Variants in TRIM56 observed in about 807,000 individuals in gnomAD.
TRIM56 encodes the protein E3 ubiquitin-protein ligase TRIM56.
TRIM56 carries 10 observed loss-of-function variants against 17.1 expected under a neutral mutation model. The observed-to-expected ratio is 0.58, with a 90% confidence interval of 0.36 to 0.99. The LOEUF (loss-of-function observed/expected upper bound fraction) is 0.99. TRIM56 is among the 50% of genes least tolerant of loss of function. The pLI, the probability that TRIM56 is intolerant of heterozygous loss-of-function variation, is 0.01. For missense variants in TRIM56, 923 were observed against 1,052.3 expected (o/e 0.88, Z 1.70); for synonymous variants, 503 against 473.5 (o/e 1.06, Z -0.81).
Position 101,089,635 on chromosome 7 carries a change from A to C in TRIM56, c.*55A>C, listed in dbSNP as rs1379545718. ...GGGAGGGAGAGGGCAGGAAGGAGGCAGAGCTGTCCGTGGGAGGTGGAGGCC... is the reference window on the plus strand; with the variant it reads ...GGGAGGGAGAGGGCAGGAAGGAGGCCGAGCTGTCCGTGGGAGGTGGAGGCC... On this transcript the variant is annotated 3_prime_UTR_variant, in exon 3 of 3. Transcript: ENST00000306085. 27 of 1,518,998 alleles carry C rather than the reference A, an allele frequency of 1.8e-5. No homozygotes were observed. The highest frequency in any genetic ancestry group is 2.2e-5 in the Non-Finnish European group (25 of 1,120,834). The allele number at this position is 1,518,998 out of a possible 1,614,324, so 94.1% of individuals were successfully genotyped here. A position where few individuals can be genotyped will look rare whatever the true frequency, so the allele number is the denominator to read the frequency against.
Position 101,093,027 on chromosome 7 carries a change from A to T in TRIM56, c.*3447A>T, listed in dbSNP as rs28378079. 0.15 allele frequency: 27,442 copies of T among 183,270 alleles called. 3,554 individuals carry two copies. Among genetic ancestry groups the T allele is most frequent in the African/African-American group, 0.38 (15,900 of 41,820 alleles). 11.4% of individuals were successfully genotyped at this position (183,270 alleles called of 1,614,324 possible). On this transcript the variant is annotated 3_prime_UTR_variant, in exon 3 of 3. Coordinates refer to ENST00000306085, the MANE Select transcript of TRIM56 (RefSeq NM_030961.3). ...TCTGCCTTGGGATGCTGTTAATCTA[A>T]GACCTTACCCCCAACCCCGTGCTCT... is the stretch of plus-strand genomic sequence containing the variant.
chr7:101,087,813 C>T lies in TRIM56; in HGVS notation c.501C>T (p.Ala167=). Residue 167 remains alanine (A), a synonymous_variant, in exon 3 of 3, where the codon GCC becomes GCT. Coordinates refer to ENST00000306085, the MANE Select transcript of TRIM56 (RefSeq NM_030961.3). Reference sequence around the variant, plus strand: ...AGGAGGCCCGGGAGCGCCAAGCGGCCCAGTGTCCCCAGCACCCCGGGGAGG... The same window carrying T: ...AGGAGGCCCGGGAGCGCCAAGCGGCTCAGTGTCCCCAGCACCCCGGGGAGG... The part of the protein sequence containing the change: ...YDEEARERQA[A]QCPQHPGEAL... 1.2e-6 allele frequency: 2 copies of T among 1,605,314 alleles called. No homozygotes were observed. The highest frequency in any genetic ancestry group is 1.7e-6 in the Non-Finnish European group (2 of 1,177,624).
At position 101,089,605 on chromosome 7, in the gene TRIM56, G is replaced by GA; in HGVS notation, c.*26dup. On this transcript the variant is annotated 3_prime_UTR_variant, in exon 3 of 3. Transcript: ENST00000306085. ...AAGGGGCTAGGACTAGGGTGAGAGGGAGTGGGGAGGGAGAGGGCAGGAAGG... is the reference window on the plus strand; with the variant it reads ...AAGGGGCTAGGACTAGGGTGAGAGGGAAGTGGGGAGGGAGAGGGCAGGAAGG... The GA allele has an allele frequency of 6.3e-7, 1 of 1,587,604 alleles. No homozygotes were observed. Among genetic ancestry groups the GA allele is most frequent in the Non-Finnish European group, 8.6e-7 (1 of 1,162,284 alleles).
In TRIM56 at chr7:101,090,648, C is replaced by T. The variant is rs1193670098; in HGVS notation, c.*1068C>T. On this transcript the variant is annotated 3_prime_UTR_variant, in exon 3 of 3. Transcript: ENST00000306085. Reference sequence around the variant, plus strand: ...AAAAAAACAGAAACAACAGAAAAAGCAGGTTATCCATCACTTCTCAGCTAA... The same window carrying T: ...AAAAAAACAGAAACAACAGAAAAAGTAGGTTATCCATCACTTCTCAGCTAA... 1 of 137,922 alleles carries T rather than the reference C, an allele frequency of 7.3e-6. No individual in the cohort carries two copies. The highest frequency in any genetic ancestry group is 2.7e-5 in the African/African-American group (1 of 37,222). The allele number at this position is 137,922 out of a possible 1,614,324, so 8.5% of individuals were successfully genotyped here.
Position 101,088,937 on chromosome 7 carries a change from G to T in TRIM56, c.1625G>T (p.Gly542Val). 6.2e-7 allele frequency: 1 copy of T among 1,613,536 alleles called. No individual in the cohort carries two copies. The highest frequency in any genetic ancestry group is 8.5e-7 in the Non-Finnish European group (1 of 1,180,028). The change falls in exon 3 of 3, where the codon GGC becomes GTC. Residue 542 changes from glycine (G) to valine (V), a missense_variant. This residue lies in a region of TRIM56 where 643 missense variants were observed against 665.6 expected (regional missense o/e 0.97). Transcript: ENST00000306085. ...KRFSLNGDYK[G>V]TVPVPEGCSP... is the part of the protein sequence containing the mutation. ...TTCTCCCTCAACGGCGACTACAAGGGCACCGTGCCGGTCCCTGAGGGCTGC... is the reference window on the plus strand; with the variant it reads ...TTCTCCCTCAACGGCGACTACAAGGTCACCGTGCCGGTCCCTGAGGGCTGC...
intron 1 of TRIM56, among the ~76,000 whole-genome samples, chr7:101,086,178 G>A (rs2116524818): frequency 6.6e-6 from 1 of 152,324 alleles, no homozygotes; most frequent in South Asian, 2.1e-4. Flanking sequence ...GCCGAGACGG[G>A]AGGATAGCCT....
rs1466200903 is a variant in TRIM56 at position 101,094,508 on chromosome 7, A to G, written c.*4928A>G. ...CCTTTATAAGTAATACTCAATAACT[A>G]CTGGGTTTGAGAATGAAGGTGTCAG... On this transcript the variant is annotated 3_prime_UTR_variant, in exon 3 of 3. Coordinates refer to ENST00000306085, the MANE Select transcript of TRIM56 (RefSeq NM_030961.3). 1 of 152,164 alleles carries G rather than the reference A, an allele frequency of 6.6e-6. No homozygotes were observed. The highest frequency in any genetic ancestry group is 1.5e-5 in the Non-Finnish European group (1 of 68,038). The allele number at this position is 152,164 out of a possible 1,614,324, so 9.4% of individuals were successfully genotyped here. A position where few individuals can be genotyped will look rare whatever the true frequency, so the allele number is the denominator to read the frequency against.
At position 101,089,401 on chromosome 7, in the gene TRIM56, C is replaced by A. The variant is rs746322063; in HGVS notation, c.2089C>A (p.Arg697=). ...GAAGGGCTACATCTTTCTGACCCTT[C>A]GAGAAGTCAACAAGGTGGTGATCCT... ...DKKGYIFLTL[R]EVNKVVILDP... is the part of the protein sequence containing the mutation. Residue 697 remains arginine (R), a synonymous_variant, in exon 3 of 3, where the codon CGA becomes AGA. Transcript: ENST00000306085. 3 of 1,614,096 alleles carry A rather than the reference C, an allele frequency of 1.9e-6. No individual in the cohort carries two copies. In the East Asian group the frequency reaches 6.7e-5, roughly 36 times the overall value.
chr7:101,091,640 T>G lies in TRIM56; in HGVS notation c.*2060T>G, dbSNP rs1185121422. Reference sequence around the variant, plus strand: ...TACTTGGGAGGCTGAGGCAGGAGAATCATTTGAACCCAGGAGGTGGAAGTT... The same window carrying G: ...TACTTGGGAGGCTGAGGCAGGAGAAGCATTTGAACCCAGGAGGTGGAAGTT... On this transcript the variant is annotated 3_prime_UTR_variant, in exon 3 of 3. Coordinates refer to ENST00000306085, the MANE Select transcript of TRIM56 (RefSeq NM_030961.3). 2.4e-6 allele frequency: 1 copy of G among 410,896 alleles called. No homozygotes were observed. Among genetic ancestry groups the G allele is most frequent in the African/African-American group, 2.1e-5 (1 of 46,800 alleles). 25.5% of individuals were successfully genotyped at this position (410,896 alleles called of 1,614,324 possible).
rs946342770 is a variant in TRIM56, at chr7:101,094,316, G to A, written c.*4736G>A. On this transcript the variant is annotated 3_prime_UTR_variant, in exon 3 of 3. Coordinates refer to ENST00000306085, the MANE Select transcript of TRIM56 (RefSeq NM_030961.3). Reference sequence around the variant, plus strand: ...ATAATTACTGAGTAGAAATAGGTTCGGAATTTGTAAATAGTCATTAATTTG... The same window carrying A: ...ATAATTACTGAGTAGAAATAGGTTCAGAATTTGTAAATAGTCATTAATTTG... The A allele has an allele frequency of 3.3e-5, 5 of 151,216 alleles. No individual in the cohort carries two copies. Among genetic ancestry groups the A allele is most frequent in the African/African-American group, 9.7e-5 (4 of 41,140 alleles). 9.4% of individuals were successfully genotyped at this position (151,216 alleles called of 1,614,324 possible). A position where few individuals can be genotyped will look rare whatever the true frequency, so the allele number is the denominator to read the frequency against.
chr7:101,088,513 A>G lies in TRIM56; in HGVS notation c.1201A>G (p.Lys401Glu). 1.2e-6 allele frequency: 2 copies of G among 1,613,790 alleles called. No individual in the cohort carries two copies. Among genetic ancestry groups the G allele is most frequent in the Non-Finnish European group, 1.7e-6 (2 of 1,179,852 alleles). The change falls in exon 3 of 3, where the codon AAG becomes GAG. Residue 401 changes from lysine (K) to glutamate (E), a missense_variant. This residue lies in a region of TRIM56 where 643 missense variants were observed against 665.6 expected (regional missense o/e 0.97). Transcript: ENST00000306085. ...CCAGAGCCGGAGGGAGGATGAGCCG[A>G]AGACTGAGAGACAGGGTGGAGTCCA... ...ESQSRREDEP[K>E]TERQGGVQPQ...
rs747160674 is a variant in TRIM56 at position 101,089,490 on chromosome 7, G to T, written c.2178G>T (p.Arg726=). ...LTAYHGLEKP[R]VTTMVDGRYL... is the part of the protein sequence containing the mutation. ...CCTACCACGGCCTGGAAAAGCCCCGGGTTACCACCATGGTGGATGGCAGGT... is the reference window on the plus strand; with the variant it reads ...CCTACCACGGCCTGGAAAAGCCCCGTGTTACCACCATGGTGGATGGCAGGT... The change falls in exon 3 of 3, where the codon CGG becomes CGT. Residue 726 remains arginine, a synonymous_variant. Coordinates refer to ENST00000306085, the MANE Select transcript of TRIM56 (RefSeq NM_030961.3). The T allele has an allele frequency of 4.3e-6, 7 of 1,614,138 alleles. No individual in the cohort carries two copies. The highest frequency in any genetic ancestry group is 5.9e-6 in the Non-Finnish European group (7 of 1,180,056).
Position 101,093,912 on chromosome 7 carries a change from G to C in TRIM56, c.*4332G>C, listed in dbSNP as rs184649559. On this transcript the variant is annotated 3_prime_UTR_variant, in exon 3 of 3. Coordinates refer to ENST00000306085, the MANE Select transcript of TRIM56 (RefSeq NM_030961.3). ...ATAAATGGGTGAGAAATCTTGCGGA[G>C]AAATAGACTCCTGGCACTATAAAAA... 38 of 152,194 alleles carry C rather than the reference G, an allele frequency of 2.5e-4. No homozygotes were observed. The highest frequency in any genetic ancestry group is 8.7e-4 in the African/African-American group (36 of 41,448). 9.4% of individuals were successfully genotyped at this position (152,194 alleles called of 1,614,324 possible). A position where few individuals can be genotyped will look rare whatever the true frequency, so the allele number is the denominator to read the frequency against.
rs1374687491 is a variant in TRIM56, at chr7:101,091,660, G to A, written c.*2080G>A. 2.3e-6 allele frequency: 1 copy of A among 433,696 alleles called. No individual in the cohort carries two copies. Among genetic ancestry groups the A allele is most frequent in the South Asian group, 1.6e-5 (1 of 61,338 alleles). 26.9% of individuals were successfully genotyped at this position (433,696 alleles called of 1,614,324 possible). ...GAGAATCATTTGAACCCAGGAGGTG[G>A]AAGTTGCAGTGAGCTCAGATCGCAC... On this transcript the variant is annotated 3_prime_UTR_variant, in exon 3 of 3. Transcript: ENST00000306085.
In TRIM56 at chr7:101,089,031, C is replaced by T. The variant is rs770612932; in HGVS notation, c.1719C>T (p.Ile573=). ...CCGCTAGCGCACGGCTCTATCTCAT[C>T]AACCCCAACGGCGAAGTGCAGTGGC... ...AFSASARLYL[I]NPNGEVQWRR... The change falls in exon 3 of 3, where the codon ATC becomes ATT. Residue 573 remains isoleucine, a synonymous_variant. Coordinates refer to ENST00000306085, the MANE Select transcript of TRIM56 (RefSeq NM_030961.3). The T allele has an allele frequency of 1.9e-6, 3 of 1,604,526 alleles. No individual in the cohort carries two copies. Among genetic ancestry groups the T allele is most frequent in the Non-Finnish European group, 2.5e-6 (3 of 1,179,210 alleles).
At position 101,091,523 on chromosome 7, in the gene TRIM56, T is replaced by G. The variant is rs999966066; in HGVS notation, c.*1943T>G. The G allele has an allele frequency of 3.2e-6, 1 of 311,860 alleles. No homozygotes were observed. Among genetic ancestry groups the G allele is most frequent in the Non-Finnish European group, 6.3e-6 (1 of 157,682 alleles). 19.3% of individuals were successfully genotyped at this position (311,860 alleles called of 1,614,324 possible). Reference sequence around the variant, plus strand: ...GGGTGGATCACTCAAGGTCAGGAGTTCGAGACCAGCCTGGCCAACATGGAG... The same window carrying G: ...GGGTGGATCACTCAAGGTCAGGAGTGCGAGACCAGCCTGGCCAACATGGAG... On this transcript the variant is annotated 3_prime_UTR_variant, in exon 3 of 3. Coordinates refer to ENST00000306085, the MANE Select transcript of TRIM56 (RefSeq NM_030961.3).
rs1320628198 is a variant in TRIM56, at chr7:101,097,701, G to T, written c.*8121G>T. 3 of 152,144 alleles carry T rather than the reference G, an allele frequency of 2.0e-5. No individual in the cohort carries two copies. The highest frequency in any genetic ancestry group is 7.2e-5 in the African/African-American group (3 of 41,412). 9.4% of individuals were successfully genotyped at this position (152,144 alleles called of 1,614,324 possible). A position where few individuals can be genotyped will look rare whatever the true frequency, so the allele number is the denominator to read the frequency against. On this transcript the variant is annotated 3_prime_UTR_variant, in exon 3 of 3. Coordinates refer to ENST00000306085, the MANE Select transcript of TRIM56 (RefSeq NM_030961.3). ...CTTGTCTCCAGAGAAAGTTAGAACT[G>T]GTTGACTTAGCAACCAAGGGACACT...
rs1388563431 is a variant in TRIM56 at position 101,091,665 on chromosome 7, TG to T, written c.*2086del. ...TCATTTGAACCCAGGAGGTGGAAGTTGCAGTGAGCTCAGATCGCACCATTGC... is the reference window on the plus strand; with the variant it reads ...TCATTTGAACCCAGGAGGTGGAAGTTCAGTGAGCTCAGATCGCACCATTGC... On this transcript the variant is annotated 3_prime_UTR_variant, in exon 3 of 3. Coordinates refer to ENST00000306085, the MANE Select transcript of TRIM56 (RefSeq NM_030961.3). The T allele has an allele frequency of 4.6e-6, 2 of 435,024 alleles. No homozygotes were observed. Among genetic ancestry groups the T allele is most frequent in the African/African-American group, 4.2e-5 (2 of 47,996 alleles). 26.9% of individuals were successfully genotyped at this position (435,024 alleles called of 1,614,324 possible).
In TRIM56 at chr7:101,088,599, A is replaced by G. The variant is rs1795500372; in HGVS notation, c.1287A>G (p.Glu429=). ...PKEEKAQTTR[E]EGAQTLEEDR... ...AGGAAAAAGCCCAGACAACCCGAGA[A>G]GAGGGAGCCCAGACCTTGGAGGAGG... Residue 429 remains glutamate (E), a synonymous_variant, in exon 3 of 3, where the codon GAA becomes GAG. Transcript: ENST00000306085. The G allele has an allele frequency of 6.2e-7, 1 of 1,612,926 alleles. No homozygotes were observed. Among genetic ancestry groups the G allele is most frequent in the African/African-American group, 1.3e-5 (1 of 74,828 alleles).
Sources: allele counts gnomAD v4.1 joint callset (sites outside exome capture counted in the v4.1 genomes callset), GRCh38; gene constraint gnomAD v4.1.1; regional missense constraint gnomAD v4.1.1; transcripts MANE v1.5; gene names NCBI Gene and HGNC (gene_info 2026-07-23, HGNC 2026-07-21).